PRKG1: variants seen among roughly 807,000 people sequenced by gnomAD.
The protein encoded by PRKG1 is protein kinase cGMP-dependent 1, also known as cGMP-dependent protein kinase 1.
PRKG1 carries 35 observed loss-of-function variants against 88.1 expected under a neutral mutation model. The ratio of observed to expected loss-of-function variants is 0.40; its 90% CI spans 0.30 to 0.53. PRKG1 has a LOEUF of 0.53. Ranked by LOEUF, PRKG1 falls within the 20% of genes least tolerant of loss-of-function variation. PRKG1 has a pLI of 0.59. For missense variants in PRKG1, 540 were observed against 839.8 expected, an observed-to-expected ratio of 0.64 and a Z score of 4.41; for synonymous variants, 303 against 292.5, an observed-to-expected ratio of 1.04 and a Z score of -0.37.
intron 7 of PRKG1, among the ~76,000 whole-genome samples, chr10:52,120,792 G>A (rs1217282042): frequency 2.6e-5 from 4 of 152,018 alleles, no homozygotes; most frequent in African/African-American, 7.2e-5. Flanking sequence ...CAAGGCTTAC[G>A]TTGCACTCTG....
chr10:51,227,688 C>A (rs1838729828), intron 2 of PRKG1, among the ~76,000 whole-genome samples: 1 of 152,028 alleles, frequency 6.6e-6, no homozygotes, highest in Non-Finnish European at 1.5e-5. Flanking sequence ...AAAAGAAAAG[C>A]CAGAGTTCAG....
chr10:51,538,436 A>T (rs987402337), intron 3 of PRKG1, among the ~76,000 whole-genome samples: 4 of 148,582 alleles, frequency 2.7e-5, no homozygotes, highest in Non-Finnish European at 5.9e-5. Flanking sequence ...TATGATATAT[A>T]ATAATGTATT....
At chr10:51,262,818 AACTC>A (rs1839746092) in intron 2 of PRKG1, among the ~76,000 whole-genome samples, 1 of 152,078 alleles carries the variant, frequency 6.6e-6, no homozygotes, top group South Asian at 2.1e-4. Context: ...ATCTCATGAA[AACTC>A]ACTCACAATC....
At chr10:51,933,635 T>A (rs935531302) in intron 5 of PRKG1, among the ~76,000 whole-genome samples, 2 of 151,694 alleles carry the variant, frequency 1.3e-5, no homozygotes, top group East Asian at 3.9e-4. Context: ...TTTTTTTTAG[T>A]TAATACTTGC....
rs1564563983 is a variant in PRKG1 at position 50,991,334 on chromosome 10, C to CGCA, written c.-43_-42insAGC. 2.0e-6 allele frequency: 3 copies of CGCA among 1,496,722 alleles called. No individual in the cohort carries two copies. The African/African-American group carries it at 4.4e-5, about 22-fold the overall frequency. The allele number at this position is 1,496,722 out of a possible 1,614,324, so 92.7% of individuals were successfully genotyped here. On this transcript the variant is annotated 5_prime_UTR_variant, in exon 1 of 18. Coordinates refer to the PRKG1 transcript ENST00000401604. This position sits in a 1 kb window ranked among gnomAD's most constrained non-coding sequence, Gnocchi z 4.5. ...CAGCCGCCGCCGCCGCCGCCGCCGCCGCCGCCGCCCGAGAAAAAGTTTCGC... is the reference window on the plus strand; with the variant it reads ...CAGCCGCCGCCGCCGCCGCCGCCGCCGCAGCCGCCGCCCGAGAAAAAGTTTCGC...
chr10:51,215,282 A>G (rs1326934622), intron 2 of PRKG1, among the ~76,000 whole-genome samples: 1 of 152,242 alleles, frequency 6.6e-6, no homozygotes, highest in Non-Finnish European at 1.5e-5. Flanking sequence ...ATTGAAAAAT[A>G]AGGAGAGCTT....
At chr10:52,064,798 A>T (rs1846318933) in intron 7 of PRKG1, among the ~76,000 whole-genome samples, 1 of 152,182 alleles carries the variant, frequency 6.6e-6, no homozygotes, top group South Asian at 2.1e-4. Context: ...ATGGGTGTGC[A>T]GACCTGGCCA....
At chr10:52,234,540 C>A (rs1427142919) in intron 9 of PRKG1, among the ~76,000 whole-genome samples, 4 of 149,112 alleles carry the variant, frequency 2.7e-5, no homozygotes, top group African/African-American at 1.0e-4. Context: ...GGAGCCGATG[C>A]GATCAACTGG....
At chr10:52,169,630 A>G (rs2132705824) in intron 9 of PRKG1, among the ~76,000 whole-genome samples, 1 of 152,316 alleles carries the variant, frequency 6.6e-6, no homozygotes, top group Admixed American at 6.5e-5. Context: ...GAATTCTAGT[A>G]TGTTACTTAA....
intron 3 of PRKG1, among the ~76,000 whole-genome samples, chr10:51,567,773 G>A (rs929490447): frequency 1.8e-4 from 28 of 152,032 alleles, no homozygotes; most frequent in Non-Finnish European, 4.1e-4. Context: ...TTTTTGTAGA[G>A]ATGGGTTTTT....
At chr10:51,997,746 T>G (rs529236183) in intron 5 of PRKG1, among the ~76,000 whole-genome samples, 3 of 152,152 alleles carry the variant, frequency 2.0e-5, no homozygotes, top group South Asian at 4.2e-4. Flanking sequence ...TTTTTTTGGG[T>G]TTTTCTATAT....
chr10:51,798,953 G>A (rs1418370072), intron 3 of PRKG1, among the ~76,000 whole-genome samples: 3 of 151,802 alleles, frequency 2.0e-5, no homozygotes, highest in African/African-American at 4.8e-5. Flanking sequence ...CGAATATTAG[G>A]GTCAAATTCC....
At chr10:51,807,435 C>T (rs375602323) in intron 4 of PRKG1, among the ~76,000 whole-genome samples, 34 of 152,156 alleles carry the variant, frequency 2.2e-4, no homozygotes, top group African/African-American at 7.7e-4. Flanking sequence ...TATAAAAAGA[C>T]GGGTTAACAA....
Position 51,211,551 on chromosome 10 carries a change from G to T in PRKG1, c.478+58221G>T, listed in dbSNP as rs570874957. Among the ~76,000 whole-genome samples, 15 of 152,294 alleles carry T rather than the reference G, an allele frequency of 9.8e-5. No individual in the cohort carries two copies. The South Asian group carries it at 2.7e-3, about 27-fold the overall frequency. ...GTCCCTGTTTGCAGATGACATGATT[G>T]TATATCTAGAAAACCCCATCGTCTC... On this transcript the variant is annotated intron_variant, in intron 2 of 17. Transcript: ENST00000373980.
chr10:51,260,747 A>G (rs1839684577), intron 2 of PRKG1, among the ~76,000 whole-genome samples: 1 of 152,224 alleles, frequency 6.6e-6, no homozygotes, highest in South Asian at 2.1e-4. Flanking sequence ...ATGTGATTAT[A>G]CTTATCTGTA....
At chr10:51,504,645 A>T (rs1420583155) in intron 3 of PRKG1, among the ~76,000 whole-genome samples, 1 of 151,844 alleles carries the variant, frequency 6.6e-6, no homozygotes. Context: ...CTTTTATTTC[A>T]TTGAGCAGTG....
chr10:51,852,634 C>G (rs1840588049), intron 4 of PRKG1, among the ~76,000 whole-genome samples: 1 of 152,050 alleles, frequency 6.6e-6, no homozygotes, highest in African/African-American at 2.4e-5. Context: ...GTAGTTCAAC[C>G]TATACACATG....
chr10:51,255,171 A>G (rs1839524588), intron 2 of PRKG1, among the ~76,000 whole-genome samples: 1 of 152,138 alleles, frequency 6.6e-6, no homozygotes, highest in African/African-American at 2.4e-5. Context: ...AAGAATATAA[A>G]TAATTTGTGG....
At chr10:51,656,453 G>A (rs1459345655) in intron 3 of PRKG1, among the ~76,000 whole-genome samples, 1 of 152,052 alleles carries the variant, frequency 6.6e-6, no homozygotes, top group African/African-American at 2.4e-5. Flanking sequence ...TGTGTTATGT[G>A]GAAACAGAGC....
Sources: allele counts gnomAD v4.1 joint callset (sites outside exome capture counted in the v4.1 genomes callset), GRCh38; gene constraint gnomAD v4.1.1; non-coding constraint Gnocchi (gnomAD v3.1); transcripts MANE v1.5; gene names NCBI Gene and HGNC (gene_info 2026-07-23, HGNC 2026-07-21).